The following HMGA2 variants were observed in gnomAD, a reference collection of about 807,000 sequenced individuals.
The protein encoded by HMGA2 is high mobility group protein HMGI-C.
Under a neutral mutation model 19.1 loss-of-function variants are expected in HMGA2, and 8 were observed. The observed-to-expected ratio is 0.42, with a 90% CI of 0.25 to 0.76. The LOEUF is 0.76. HMGA2 is among the 30% of genes least tolerant of loss of function. The pLI is 0.28. For synonymous variants in HMGA2, 60 were observed against 48.8 expected (o/e 1.23, Z -0.96); for missense variants, 109 against 136.3 (o/e 0.80, Z 1.00).
intron 3 of HMGA2, among the ~76,000 whole-genome samples, chr12:65,870,165 G>A (rs914001983): frequency 2.0e-5 from 3 of 152,086 alleles, no homozygotes; most frequent in South Asian, 2.1e-4. Flanking sequence ...CAGTCTAGGG[G>A]TAGATATGCA....
chr12:65,919,557 C>T (rs765202319), intron 3 of HMGA2, among the ~76,000 whole-genome samples: 2 of 152,214 alleles, frequency 1.3e-5, no homozygotes, highest in Non-Finnish European at 2.9e-5. Flanking sequence ...AATGTTATTT[C>T]AAAGGCTAAT....
chr12:65,909,766 T>C (rs1874763700), intron 3 of HMGA2, among the ~76,000 whole-genome samples: 1 of 152,210 alleles, frequency 6.6e-6, no homozygotes, highest in Non-Finnish European at 1.5e-5. Flanking sequence ...TATAACCTCA[T>C]CTCTGTAAAT....
chr12:65,862,600 A>G lies in HMGA2; in HGVS notation c.249+24031A>G, dbSNP rs1187048569. Among the ~76,000 whole-genome samples, 6 of 152,356 alleles carry G rather than the reference A, an allele frequency of 3.9e-5. No individual in the cohort carries two copies. In the East Asian group the frequency reaches 1.2e-3, roughly 29 times the overall value. On this transcript the variant is annotated intron_variant, in intron 3 of 4. Transcript: ENST00000403681. Reference sequence around the variant, plus strand: ...ATACTACAAAAATTAAAAAAGTGTTAAGCATCAAGGATTAGACCTGGACTA... The same window carrying G: ...ATACTACAAAAATTAAAAAAGTGTTGAGCATCAAGGATTAGACCTGGACTA...
At chr12:65,893,273 G>A (rs1208485777) in intron 3 of HMGA2, among the ~76,000 whole-genome samples, 1 of 152,220 alleles carries the variant, frequency 6.6e-6, no homozygotes, top group East Asian at 1.9e-4. Context: ...CCTCACCCCA[G>A]TGTGGTCACA....
At chr12:65,944,594 C>T (rs764123842) in intron 3 of HMGA2, among the ~76,000 whole-genome samples, 4 of 152,118 alleles carry the variant, frequency 2.6e-5, no homozygotes, top group African/African-American at 7.2e-5. Context: ...CAAAAAGCTA[C>T]GCAGAAGGTA....
At chr12:65,914,146 T>C (rs1054219039) in intron 3 of HMGA2, among the ~76,000 whole-genome samples, 127 of 152,236 alleles carry the variant, frequency 8.3e-4, no homozygotes, top group South Asian at 6.2e-4. Context: ...TTACTGGCTA[T>C]ATACCCAAAT....
intron 3 of HMGA2, among the ~76,000 whole-genome samples, chr12:65,897,760 G>A (rs929454870): frequency 6.6e-6 from 1 of 152,166 alleles, no homozygotes; most frequent in Non-Finnish European, 1.5e-5. Flanking sequence ...AGGTGTTTGA[G>A]ACCACCCTGG....
At chr12:65,828,546 C>A in intron 2 of HMGA2, 1 of 180,066 alleles carries the variant, frequency 5.6e-6, no homozygotes. Flanking sequence ...ACCAAATCCC[C>A]CTATTAAAGT....
chr12:65,950,791 G>T (rs1462757868), intron 3 of HMGA2, among the ~76,000 whole-genome samples: 1 of 152,100 alleles, frequency 6.6e-6, no homozygotes, highest in East Asian at 1.9e-4. Context: ...TGATATATAG[G>T]CTAAAAACAA....
chr12:65,911,987 A>G (rs1305123938), intron 3 of HMGA2, among the ~76,000 whole-genome samples: 1 of 152,194 alleles, frequency 6.6e-6, no homozygotes, highest in Non-Finnish European at 1.5e-5. Flanking sequence ...ATCTGGCCAT[A>G]TCTACACTTA....
At chr12:65,939,327 A>G (rs1027623392) in intron 3 of HMGA2, among the ~76,000 whole-genome samples, 2 of 152,008 alleles carry the variant, frequency 1.3e-5, no homozygotes, top group Admixed American at 1.3e-4. Flanking sequence ...TAAATATTAT[A>G]TGTACACACA....
At position 65,959,639 on chromosome 12, in the gene HMGA2, C is replaced by T. The variant is rs138622021; in HGVS notation, c.283-3606C>T. Among the ~76,000 whole-genome samples the T allele has an allele frequency of 1.6e-3, 241 of 152,248 alleles. 2 individuals carry two copies. Among genetic ancestry groups the T allele is most frequent in the African/African-American group, 5.3e-3 (219 of 41,530 alleles). On this transcript the variant is annotated intron_variant, in intron 4 of 4. Transcript: ENST00000403681. ...CCTTTCATCTGAACATTCCTGAAGC[C>T]CCATTCCAACAGGTAAGCCTTCTTG...
At chr12:65,881,651 A>G in intron 3 of HMGA2, 1 of 670,946 alleles carries the variant, frequency 1.5e-6, no homozygotes, top group Middle Eastern at 2.5e-4. Context: ...AGGGAGGGAG[A>G]AAGAGAGAGA....
intron 1 of HMGA2, among the ~76,000 whole-genome samples, chr12:65,827,484 T>C (rs572254092): frequency 6.6e-6 from 1 of 152,310 alleles, no homozygotes; most frequent in Admixed American, 6.5e-5. Flanking sequence ...AGTATTTCAC[T>C]CAAAATGTGT....
intron 3 of HMGA2, among the ~76,000 whole-genome samples, chr12:65,902,243 A>G (rs903933366): frequency 6.6e-6 from 1 of 152,138 alleles, no homozygotes; most frequent in African/African-American, 2.4e-5. Context: ...ATTTGTGAAG[A>G]CCGTTGATCA....
chr12:65,864,326 G>C (rs1313680802), intron 3 of HMGA2, among the ~76,000 whole-genome samples: 1 of 152,166 alleles, frequency 6.6e-6, no homozygotes, highest in African/African-American at 2.4e-5. Context: ...GAGATTTGAA[G>C]AGTGCTACAT....
At chr12:65,951,026 C>A (rs1285279556) in intron 3 of HMGA2, among the ~76,000 whole-genome samples, 1 of 152,016 alleles carries the variant, frequency 6.6e-6, no homozygotes, top group Non-Finnish European at 1.5e-5. Context: ...CCTTTCTTGG[C>A]CCAGGTGATC....
intron 3 of HMGA2, 145 bp from the exon 4 acceptor site, chr12:65,951,238 C>A: frequency 1.7e-6 from 1 of 577,624 alleles, no homozygotes; most frequent in Non-Finnish European, 3.0e-6. Flanking sequence ...CAAGTATAAA[C>A]ACTTTTAACA....
intron 2 of HMGA2, among the ~76,000 whole-genome samples, chr12:65,830,219 T>C (rs1870419682): frequency 6.6e-6 from 1 of 152,032 alleles, no homozygotes. Context: ...GAATCGTTCA[T>C]GGCATGTGTA....
Sources: allele counts gnomAD v4.1 joint callset (sites outside exome capture counted in the v4.1 genomes callset), GRCh38; gene constraint gnomAD v4.1.1; transcripts MANE v1.5; gene names NCBI Gene and HGNC (gene_info 2026-07-23, HGNC 2026-07-21).